WWP2: variants seen among roughly 807,000 people sequenced by gnomAD.
WWP2 encodes the protein WW domain containing E3 ubiquitin protein ligase 2, also known as NEDD4-like E3 ubiquitin-protein ligase WWP2.
In WWP2, 57 loss-of-function variants were observed where a neutral mutation model predicts 121.0. The ratio of observed to expected loss-of-function variants is 0.47; its 90% confidence interval spans 0.38 to 0.59. WWP2 has a LOEUF of 0.59. Ranked by LOEUF, WWP2 falls within the 20% of genes least tolerant of loss-of-function variation. The pLI is 0.00. For synonymous variants in WWP2, 449 were observed against 441.3 expected (o/e 1.02, Z -0.22); for missense variants, 962 against 1,158.9 (o/e 0.83, Z 2.47).
At chr16:69,899,250 C>T (rs779422086) in intron 8 of WWP2, among the ~76,000 whole-genome samples, 1 of 152,084 alleles carries the variant, frequency 6.6e-6, no homozygotes, top group Non-Finnish European at 1.5e-5. Context: ...TGGTTCTTGC[C>T]TGTAACTTTA....
chr16:69,826,138 G>T (rs1216774760), intron 4 of WWP2, among the ~76,000 whole-genome samples: 4 of 151,700 alleles, frequency 2.6e-5, no homozygotes, highest in African/African-American at 7.3e-5. Flanking sequence ...GTGGTGGTGG[G>T]TGCCTATAAT....
intron 8 of WWP2, among the ~76,000 whole-genome samples, chr16:69,891,354 G>C (rs1223984647): frequency 6.6e-6 from 1 of 152,094 alleles, no homozygotes; most frequent in African/African-American, 2.4e-5. Context: ...ACCAACAAAG[G>C]GTGTGTTGTG....
intron 6 of WWP2, among the ~76,000 whole-genome samples, chr16:69,864,242 C>T (rs1332798743): frequency 2.0e-5 from 3 of 152,044 alleles, no homozygotes; most frequent in Non-Finnish European, 4.4e-5. Flanking sequence ...GTGGTGCGCA[C>T]CTGTGATCCC....
chr16:69,766,260 G>A (rs1326562662), intron 1 of WWP2, among the ~76,000 whole-genome samples: 1 of 152,050 alleles, frequency 6.6e-6, no homozygotes, highest in African/African-American at 2.4e-5. Context: ...CGTCCACAAA[G>A]CCTACTGGCT....
At chr16:69,818,969 G>A (rs2056545447) in intron 4 of WWP2, among the ~76,000 whole-genome samples, 1 of 152,194 alleles carries the variant, frequency 6.6e-6, no homozygotes, top group African/African-American at 2.4e-5. Context: ...CAAGTGAACT[G>A]TTGAAATCTG....
At chr16:69,794,075 G>A (rs112569189) in intron 2 of WWP2, among the ~76,000 whole-genome samples, 1 of 151,962 alleles carries the variant, frequency 6.6e-6, no homozygotes, top group African/African-American at 2.4e-5. Context: ...GCGCCACCAC[G>A]CCCGGCTAAG....
intron 8 of WWP2, 133 bp from the exon 9 acceptor site, chr16:69,908,628 T>C (rs2058334410): frequency 2.0e-6 from 3 of 1,502,826 alleles, no homozygotes; most frequent in African/African-American, 2.8e-5. Flanking sequence ...GGCTTCGCCA[T>C]TGGGTCGGCC....
In WWP2 at chr16:69,786,994, A is replaced by G. The variant is rs1162312662; in HGVS notation, c.-15-2A>G. 1.2e-6 allele frequency: 2 copies of G among 1,603,222 alleles called. No homozygotes were observed. Among genetic ancestry groups the G allele is most frequent in the Non-Finnish European group, 1.7e-6 (2 of 1,175,806 alleles). On this transcript the variant is annotated splice_acceptor_variant, in intron 1 of 23. Coordinates refer to ENST00000359154, the MANE Select transcript of WWP2 (RefSeq NM_001270454.2). LOFTEE classifies it low-confidence loss of function (5UTR_SPLICE). ...GAATTCTTTTTTCTGTTTGTCTTAC[A>G]GCTTCACGGTGATGATATGGCATCT...
chr16:69,778,090 T>TATATATAC (rs1192880134), intron 1 of WWP2, among the ~76,000 whole-genome samples: 4 of 108,872 alleles, frequency 3.7e-5, no homozygotes, highest in East Asian at 2.1e-4. Context: ...TATATATATA[T>TATATATAC]ACACACACAC....
rs1223651154 is a variant in WWP2 at position 69,917,566 on chromosome 16, C to T, written c.1005-143C>T. ...GGATTGGGTGCTGCAGAGGCAACCA[C>T]AGATGTCTGCTATAATCAGCTAAGC... On this transcript the variant is annotated intron_variant, in intron 9 of 23. Transcript: ENST00000359154. The T allele has an allele frequency of 5.6e-6, 5 of 895,672 alleles. No individual in the cohort carries two copies. In the East Asian group the frequency reaches 1.3e-4, roughly 24 times the overall value. 55.5% of individuals were successfully genotyped at this position (895,672 alleles called of 1,614,324 possible).
intron 8 of WWP2, among the ~76,000 whole-genome samples, chr16:69,902,136 C>A (rs749179480): frequency 6.6e-6 from 1 of 152,160 alleles, no homozygotes; most frequent in Non-Finnish European, 1.5e-5. Context: ...GGTAATTGAG[C>A]ATTAATTTCC....
At chr16:69,777,136 T>TACA (rs1166304668) in intron 1 of WWP2, among the ~76,000 whole-genome samples, 1 of 151,520 alleles carries the variant, frequency 6.6e-6, no homozygotes, top group Non-Finnish European at 1.5e-5. Context: ...TATGGATATA[T>TACA]ATACACATAT....
intron 8 of WWP2, among the ~76,000 whole-genome samples, chr16:69,896,319 A>G (rs557221794): frequency 1.1e-4 from 17 of 152,196 alleles, no homozygotes; most frequent in African/African-American, 2.6e-4. Flanking sequence ...AGGTCTTGCT[A>G]TGTTACCCAG....
intron 6 of WWP2, among the ~76,000 whole-genome samples, chr16:69,850,620 G>T (rs72785013): frequency 1.4e-4 from 22 of 152,258 alleles, no homozygotes; most frequent in Non-Finnish European, 2.2e-4. Context: ...ACGAAGTGGG[G>T]TTCAGGGATG....
At position 69,906,221 on chromosome 16, in the gene WWP2, T is replaced by C. The variant is rs566879092; in HGVS notation, c.915-2540T>C. ...CCAAGTAGCTGGGACTACAGGTGCC[T>C]GCCACCATGCCCAGCTATTTTTTTA... On this transcript the variant is annotated intron_variant, in intron 8 of 23. Coordinates refer to ENST00000359154, the MANE Select transcript of WWP2 (RefSeq NM_001270454.2). Among the ~76,000 whole-genome samples, 546 of 152,172 alleles carry C rather than the reference T, an allele frequency of 3.6e-3. 2 individuals are homozygous for C. Among genetic ancestry groups the C allele is most frequent in the Non-Finnish European group, 5.3e-3 (357 of 67,978 alleles).
At chr16:69,787,926 C>T (rs1199742398) in intron 2 of WWP2, 1 of 152,522 alleles carries the variant, frequency 6.6e-6, no homozygotes, top group East Asian at 1.9e-4. Flanking sequence ...AGCCACTTCT[C>T]ACCACCCCTA....
chr16:69,871,066 G>A (rs1463128225), intron 6 of WWP2, among the ~76,000 whole-genome samples: 2 of 152,048 alleles, frequency 1.3e-5, no homozygotes, highest in East Asian at 1.9e-4. Context: ...TGGGAGGATC[G>A]TTTGAGCTCA....
At chr16:69,918,700 G>A (rs1481936912) in intron 10 of WWP2, among the ~76,000 whole-genome samples, 1 of 152,090 alleles carries the variant, frequency 6.6e-6, no homozygotes. Context: ...CTCTCCATTG[G>A]CCTTCTCTCT....
intron 6 of WWP2, among the ~76,000 whole-genome samples, chr16:69,845,572 G>A (rs906590622): frequency 3.3e-5 from 5 of 152,090 alleles, no homozygotes; most frequent in African/African-American, 1.2e-4. Context: ...TGAAGACTGC[G>A]ATGTCAAAGC....
Sources: gnomAD v4.1 joint callset for allele counts (sites outside exome capture counted in the v4.1 genomes callset) on GRCh38, gnomAD v4.1.1 for gene constraint, MANE v1.5 for transcripts, NCBI Gene and HGNC (gene_info 2026-07-23, HGNC 2026-07-21) for gene names.